Variants in SCARB1 observed in about 807,000 individuals in gnomAD.
SCARB1 encodes scavenger receptor class B member 1, also known as CD36 and LIMPII analogous 1.
Under a neutral mutation model 57.2 loss-of-function variants are expected in SCARB1, and 30 were observed. The ratio of observed to expected loss-of-function variants is 0.52; its 90% CI spans 0.39 to 0.71. The LOEUF is 0.71. Ranked by LOEUF, SCARB1 falls within the 30% of genes least tolerant of loss-of-function variation. The pLI is 0.00. For synonymous variants in SCARB1, 249 were observed against 268.3 expected, an observed-to-expected ratio of 0.93 and a Z score of 0.70; for missense variants, 543 against 671.2, an observed-to-expected ratio of 0.81 and a Z score of 2.11.
chr12:124,782,659 C>A, intron 12 of SCARB1, 24 bp downstream of exon 12: 2 of 1,611,790 alleles, frequency 1.2e-6, no homozygotes, highest in African/African-American at 2.7e-5. Context: ...GGCGGGGAGG[C>A]GCACGGCATT....
chr12:124,845,286 G>T (rs1952096503), intron 1 of SCARB1, among the ~76,000 whole-genome samples: 1 of 152,154 alleles, frequency 6.6e-6, no homozygotes, highest in African/African-American at 2.4e-5. Flanking sequence ...GGCCTGCTCA[G>T]CTACAAAAAG....
rs974874947 is a variant in SCARB1 at position 124,863,481 on chromosome 12, C to T, written c.126+114G>A. ...CCCTCGTGCTCTGCGGCGCCAGGCC[C>T]GGGCGCCGATTCCGCTGCGGTCGCC... is the stretch of plus-strand genomic sequence containing the variant. On this transcript the variant is annotated intron_variant, in intron 1 of 12. Coordinates refer to ENST00000261693, the MANE Select transcript of SCARB1 (RefSeq NM_005505.5). 1.3e-5 allele frequency: 15 copies of T among 1,162,446 alleles called. No individual in the cohort carries two copies. The African/African-American group carries it at 2.5e-4, about 19-fold the overall frequency. The allele number at this position is 1,162,446 out of a possible 1,614,324, so 72.0% of individuals were successfully genotyped here.
chr12:124,854,715 G>A (rs1335563643), intron 1 of SCARB1, among the ~76,000 whole-genome samples: 3 of 152,176 alleles, frequency 2.0e-5, no homozygotes, highest in African/African-American at 7.2e-5. Flanking sequence ...AAGGCTGAGT[G>A]CAAGATGTTG....
intron 11 of SCARB1, 160 bp from the exon 12 acceptor site, chr12:124,782,971 G>T: frequency 1.4e-6 from 1 of 693,012 alleles, no homozygotes; most frequent in Non-Finnish European, 2.5e-6. Flanking sequence ...GATGTGGGGA[G>T]CTGCCGCTCT....
At chr12:124,841,299 G>C (rs1951896669) in intron 1 of SCARB1, among the ~76,000 whole-genome samples, 1 of 151,850 alleles carries the variant, frequency 6.6e-6, no homozygotes, top group Non-Finnish European at 1.5e-5. Context: ...ATGAACCAGG[G>C]AGGCGGAGCT....
chr12:124,807,831 G>C lies in SCARB1; in HGVS notation c.939C>G (p.Ile313Met), dbSNP rs763936290. 3.1e-6 allele frequency: 5 copies of C among 1,614,184 alleles called. No individual in the cohort carries two copies. The South Asian group carries it at 3.3e-5, about 11-fold the overall frequency. The change falls in exon 7 of 13, where the codon ATC becomes ATG. Residue 313 changes from isoleucine (I) to methionine (M), a missense_variant. Transcript: ENST00000261693. This position sits in a 1 kb window ranked among gnomAD's most constrained non-coding sequence, Gnocchi z 5.3. ...APKTLFANGS[I>M]YPPNEGFCPC... is the part of the protein sequence containing the mutation. The stretch of plus-strand genomic sequence containing the variant: ...GGCAGAAGCCTTCGTTGGGTGGGTA[G>C]ATGGACCCGTTGGCAAACAGGGTTT...
At chr12:124,831,480 G>T (rs1445413859) in intron 1 of SCARB1, among the ~76,000 whole-genome samples, 1 of 152,152 alleles carries the variant, frequency 6.6e-6, no homozygotes, top group East Asian at 1.9e-4. Context: ...CCCTCAAGTG[G>T]TGTCGCTAAT....
At position 124,778,176 on chromosome 12, in the gene SCARB1, A is replaced by G. The variant is rs1872684296; in HGVS notation, c.*411T>C. The G allele has an allele frequency of 3.1e-6, 1 of 323,008 alleles. No homozygotes were observed. Among genetic ancestry groups the G allele is most frequent in the South Asian group, 1.6e-4 (1 of 6,338 alleles). The allele number at this position is 323,008 out of a possible 1,614,324, so 20.0% of individuals were successfully genotyped here. A position where few individuals can be genotyped will look rare whatever the true frequency, so the allele number is the denominator to read the frequency against. On this transcript the variant is annotated 3_prime_UTR_variant, in exon 13 of 13. Coordinates refer to ENST00000261693, the MANE Select transcript of SCARB1 (RefSeq NM_005505.5). Reference sequence around the variant, plus strand: ...CCCGTCCTGCATGGGGAGCCACCACACCGGGACTGCAGTGTTTCACCTTGG... The same window carrying G: ...CCCGTCCTGCATGGGGAGCCACCACGCCGGGACTGCAGTGTTTCACCTTGG...
At chr12:124,858,960 G>A (rs888273029) in intron 1 of SCARB1, among the ~76,000 whole-genome samples, 1 of 151,088 alleles carries the variant, frequency 6.6e-6, no homozygotes, top group Non-Finnish European at 1.5e-5. Flanking sequence ...CTGCAGCCTC[G>A]AGCTCCTGGG....
chr12:124,852,369 C>T (rs1401987888), intron 1 of SCARB1, among the ~76,000 whole-genome samples: 5 of 152,210 alleles, frequency 3.3e-5, no homozygotes, highest in Admixed American at 6.5e-5. Flanking sequence ...GGGACCCAGG[C>T]TTTGGGGTGT....
chr12:124,845,503 G>A (rs1952103789), intron 1 of SCARB1, among the ~76,000 whole-genome samples: 2 of 138,346 alleles, frequency 1.4e-5, no homozygotes, highest in South Asian at 4.5e-4. Context: ...GACCAGCCTG[G>A]CCAACATGTG....
chr12:124,819,533 G>A (rs1950869259), intron 1 of SCARB1, among the ~76,000 whole-genome samples: 1 of 150,862 alleles, frequency 6.6e-6, no homozygotes, highest in Non-Finnish European at 1.5e-5. Context: ...GTGTCACAGG[G>A]AGGTCCCCCC....
intron 1 of SCARB1, among the ~76,000 whole-genome samples, chr12:124,863,137 C>A (rs1478253551): frequency 1.3e-5 from 2 of 152,218 alleles, no homozygotes; most frequent in Non-Finnish European, 2.9e-5. Flanking sequence ...AGGTTCCTGT[C>A]CTCCTGGGCT....
At chr12:124,832,656 C>G (rs901598806) in intron 1 of SCARB1, among the ~76,000 whole-genome samples, 1 of 152,160 alleles carries the variant, frequency 6.6e-6, no homozygotes. Flanking sequence ...ATGTGCACCC[C>G]ATATTTATAC....
At chr12:124,856,275 A>G (rs1952621769) in intron 1 of SCARB1, among the ~76,000 whole-genome samples, 1 of 152,260 alleles carries the variant, frequency 6.6e-6, no homozygotes. Context: ...ATATGTAGGC[A>G]CACATCAACA....
chr12:124,836,726 A>G (rs942021165), intron 1 of SCARB1, among the ~76,000 whole-genome samples: 1 of 152,226 alleles, frequency 6.6e-6, no homozygotes, highest in Non-Finnish European at 1.5e-5. Context: ...CCCAGGAGAT[A>G]GAGGCTGCAG....
At chr12:124,781,681 C>T (rs1873504488) in intron 12 of SCARB1, among the ~76,000 whole-genome samples, 3 of 152,158 alleles carry the variant, frequency 2.0e-5, no homozygotes, top group Non-Finnish European at 2.9e-5. Flanking sequence ...AGGATACGTG[C>T]GTCCTATCAT....
intron 2 of SCARB1, among the ~76,000 whole-genome samples, chr12:124,816,334 A>AGT (rs2135685275): frequency 6.6e-6 from 1 of 152,364 alleles, no homozygotes; most frequent in African/African-American, 2.4e-5. Context: ...GTGCTCAGTC[A>AGT]GTGCTCACAG....
intron 1 of SCARB1, among the ~76,000 whole-genome samples, chr12:124,819,352 A>G (rs1372222520): frequency 6.6e-6 from 1 of 152,304 alleles, no homozygotes; most frequent in East Asian, 1.9e-4. Flanking sequence ...GAAGATGAGA[A>G]CACAGAAGTT....
Sources: allele counts gnomAD v4.1 joint callset (sites outside exome capture counted in the v4.1 genomes callset), GRCh38; gene constraint gnomAD v4.1.1; non-coding constraint Gnocchi (gnomAD v3.1); transcripts MANE v1.5; gene names NCBI Gene and HGNC (gene_info 2026-07-23, HGNC 2026-07-21).